The following ARHGEF38 variants were observed in gnomAD, a reference collection of about 807,000 sequenced individuals.
ARHGEF38 encodes Rho guanine nucleotide exchange factor (GEF) 38.
Under a neutral mutation model 79.9 loss-of-function variants are expected in ARHGEF38, and 79 were observed. The observed-to-expected ratio is 0.99, with a 90% CI of 0.82 to 1.19. The LOEUF is 1.19. Among genes scored for constraint, ARHGEF38 ranks in the 50% most tolerant of loss-of-function variants. The probability of loss-of-function intolerance (pLI) is 0.00; values close to 1 mark genes in which losing one functional copy is unlikely to be tolerated. For synonymous variants in ARHGEF38, 366 were observed against 328.3 expected, an observed-to-expected ratio of 1.11 and a Z score of -1.24; for missense variants, 962 against 907.2, an observed-to-expected ratio of 1.06 and a Z score of -0.78.
At chr4:105,632,188 A>T (rs1256972388) in intron 4 of ARHGEF38, among the ~76,000 whole-genome samples, 2 of 152,198 alleles carry the variant, frequency 1.3e-5, no homozygotes, top group African/African-American at 4.8e-5. Flanking sequence ...TAAATAAATA[A>T]AATTTCAACT....
At chr4:105,623,678 A>T (rs73837078) in intron 3 of ARHGEF38, among the ~76,000 whole-genome samples, 2,592 of 152,330 alleles carry the variant, frequency 0.017, 64 homozygotes, top group African/African-American at 0.051. Flanking sequence ...CTGTATTTTT[A>T]AATGTTAGAA....
intron 1 of ARHGEF38, among the ~76,000 whole-genome samples, chr4:105,567,512 C>G (rs1725985516): frequency 6.6e-6 from 1 of 152,140 alleles, no homozygotes; most frequent in South Asian, 2.1e-4. Context: ...ATGAAGTCAG[C>G]TGTTGAACAC....
intron 1 of ARHGEF38, among the ~76,000 whole-genome samples, chr4:105,583,440 G>A (rs1379892596): frequency 6.6e-6 from 1 of 152,072 alleles, no homozygotes; most frequent in Admixed American, 6.5e-5. Context: ...AATAGGCCAT[G>A]CACACGCTCA....
At chr4:105,600,426 T>A (rs1272062136) in intron 2 of ARHGEF38, among the ~76,000 whole-genome samples, 1 of 152,172 alleles carries the variant, frequency 6.6e-6, no homozygotes, top group Non-Finnish European at 1.5e-5. Context: ...TACACACTCT[T>A]TGTTCTCCCC....
chr4:105,614,214 G>C (rs912386867), intron 3 of ARHGEF38, among the ~76,000 whole-genome samples: 1 of 152,084 alleles, frequency 6.6e-6, no homozygotes, highest in African/African-American at 2.4e-5. Flanking sequence ...ATCATACAGT[G>C]TCATGTAGGC....
At chr4:105,618,778 G>C (rs948187647) in intron 3 of ARHGEF38, among the ~76,000 whole-genome samples, 5 of 152,160 alleles carry the variant, frequency 3.3e-5, no homozygotes, top group East Asian at 3.9e-4. Context: ...TTCTCCCCAA[G>C]TAATTATTAA....
In ARHGEF38 at chr4:105,577,745, A is replaced by AT. The variant is rs571601714; in HGVS notation, c.197-11497dup. On this transcript the variant is annotated intron_variant, in intron 1 of 13. Coordinates refer to ENST00000420470, the MANE Select transcript of ARHGEF38 (RefSeq NM_001242729.2). ...ATGTTCACAGTACTCTCAAATGATC[A>AT]TTTTTTATTTCTGTGGTGTCAGTTG... Among the ~76,000 whole-genome samples the AT allele has an allele frequency of 1.4e-4, 22 of 152,120 alleles. No homozygotes were observed. In the East Asian group the frequency reaches 2.5e-3, roughly 17 times the overall value.
At chr4:105,610,439 T>TA (rs1300695520) in intron 2 of ARHGEF38, among the ~76,000 whole-genome samples, 5 of 152,070 alleles carry the variant, frequency 3.3e-5, no homozygotes, top group African/African-American at 4.8e-5. Flanking sequence ...TGTCTTTTTT[T>TA]AAAAAAATGA....
At chr4:105,570,341 A>C (rs1480487078) in intron 1 of ARHGEF38, 1 of 152,242 alleles carries the variant, frequency 6.6e-6, no homozygotes, top group Non-Finnish European at 1.5e-5. Context: ...ATGCTTTAAT[A>C]TCAAAAATAA....
chr4:105,558,528 T>A (rs1171378376), intron 1 of ARHGEF38, among the ~76,000 whole-genome samples: 1 of 152,174 alleles, frequency 6.6e-6, no homozygotes, highest in Non-Finnish European at 1.5e-5. Flanking sequence ...GAAGGGCAAA[T>A]CTTTCTAAAA....
At chr4:105,619,145 T>G (rs1046658305) in intron 3 of ARHGEF38, among the ~76,000 whole-genome samples, 2 of 152,090 alleles carry the variant, frequency 1.3e-5, no homozygotes, top group Non-Finnish European at 2.9e-5. Context: ...TGAAAAAGAA[T>G]CAGTTGGAGT....
At chr4:105,582,441 C>A (rs1162105837) in intron 1 of ARHGEF38, among the ~76,000 whole-genome samples, 10 of 151,674 alleles carry the variant, frequency 6.6e-5, no homozygotes, top group Admixed American at 6.6e-4. Flanking sequence ...TAATATTTTT[C>A]TTATCCTTAT....
rs750452542 is a variant in ARHGEF38 at position 105,654,101 on chromosome 4, T to C, written c.1045T>C (p.Phe349Leu). 6.6e-7 allele frequency: 1 copy of C among 1,518,888 alleles called. No individual in the cohort carries two copies. The highest frequency in any genetic ancestry group is 1.2e-5 in the South Asian group (1 of 81,128). 94.1% of individuals were successfully genotyped at this position (1,518,888 alleles called of 1,614,324 possible). Residue 349 changes from phenylalanine (F) to leucine (L), a missense_variant, in exon 8 of 14, where the codon TTT (phenylalanine) becomes CTT (leucine). Physicochemically the swap from Phe to Leu is conservative, Grantham distance 22 (BLOSUM62 0). Coordinates refer to ENST00000420470, the MANE Select transcript of ARHGEF38 (RefSeq NM_001242729.2). ...TACCTTTAACAGAGAAGAAAAGCTGTTTAGAGCTTTAGAAAAGACTGTGAG... is the reference window on the plus strand; with the variant it reads ...TACCTTTAACAGAGAAGAAAAGCTGCTTAGAGCTTTAGAAAAGACTGTGAG... ...DNTFNREEKLFRALEKTVRLC... is the reference protein window; with the variant it reads ...DNTFNREEKLLRALEKTVRLC...
intron 1 of ARHGEF38, among the ~76,000 whole-genome samples, chr4:105,577,513 C>T (rs140425191): frequency 0.021 from 3,198 of 151,878 alleles, 89 homozygotes; most frequent in African/African-American, 0.06. Flanking sequence ...CTTTGAATGT[C>T]TGATAGAATT....
At chr4:105,567,227 C>T (rs1157142900) in intron 1 of ARHGEF38, among the ~76,000 whole-genome samples, 4 of 152,098 alleles carry the variant, frequency 2.6e-5, no homozygotes, top group African/African-American at 9.7e-5. Flanking sequence ...ATAGTAAGTA[C>T]TCCATTTACA....
chr4:105,619,244 A>C (rs1560725643), intron 3 of ARHGEF38, among the ~76,000 whole-genome samples: 1 of 151,766 alleles, frequency 6.6e-6, no homozygotes, highest in African/African-American at 2.4e-5. Context: ...GTTCTACAAC[A>C]GCATTATCAC....
rs534246945 is a variant in ARHGEF38 at position 105,568,761 on chromosome 4, T to C, written c.196+15800T>C. On this transcript the variant is annotated intron_variant, in intron 1 of 13. Coordinates refer to ENST00000420470, the MANE Select transcript of ARHGEF38 (RefSeq NM_001242729.2). ...ATCAAATGGTGTATGTGTGCCTGCCTGGTTGGTTGTTGGGAGTATGAGAAT... is the reference window on the plus strand; with the variant it reads ...ATCAAATGGTGTATGTGTGCCTGCCCGGTTGGTTGTTGGGAGTATGAGAAT... 2.6e-5 allele frequency among the ~76,000 whole-genome samples: 4 copies of C among 152,340 alleles called. No individual in the cohort carries two copies. The South Asian group carries it at 8.3e-4, about 32-fold the overall frequency.
chr4:105,593,207 T>C (rs141845497), intron 2 of ARHGEF38, among the ~76,000 whole-genome samples: 2 of 152,226 alleles, frequency 1.3e-5, no homozygotes, highest in African/African-American at 4.8e-5. Flanking sequence ...ATCAAAAATC[T>C]GTCCCTGCGA....
chr4:105,674,211 T>A (rs796901376), intron 13 of ARHGEF38, among the ~76,000 whole-genome samples: 11 of 152,190 alleles, frequency 7.2e-5, no homozygotes, highest in African/African-American at 2.6e-4. Context: ...GAGTCAATAA[T>A]ACAGTGTTAT....
Sources: allele counts gnomAD v4.1 joint callset (sites outside exome capture counted in the v4.1 genomes callset), GRCh38; gene constraint gnomAD v4.1.1; transcripts MANE v1.5; gene names NCBI Gene and HGNC (gene_info 2026-07-23, HGNC 2026-07-21).